Variants in KCTD1 observed in about 807,000 individuals in gnomAD.
KCTD1 encodes the protein potassium channel tetramerization domain containing 1.
Under a neutral mutation model 66.0 loss-of-function variants are expected in KCTD1, and 24 were observed. The ratio of observed to expected loss-of-function variants is 0.36; its 90% CI spans 0.26 to 0.51. The LOEUF (loss-of-function observed/expected upper bound fraction) is 0.51, where lower values mean the gene tolerates loss of function less well. Among genes scored for constraint, KCTD1 ranks in the 20% least tolerant of loss-of-function variants. The probability of loss-of-function intolerance (pLI) is 0.95; values close to 1 mark genes in which losing one functional copy is unlikely to be tolerated. For missense variants in KCTD1, 943 were observed against 1,205.2 expected (o/e 0.78, Z 3.22); for synonymous variants, 511 against 517.2 (o/e 0.99, Z 0.16).
intron 1 of KCTD1, among the ~76,000 whole-genome samples, chr18:26,653,148 AC>A (rs536843632): frequency 1.5e-3 from 225 of 152,110 alleles, no homozygotes; most frequent in African/African-American, 5.1e-3. Context: ...TTCTTTCCAA[AC>A]ACCAATCTGA....
intron 1 of KCTD1, among the ~76,000 whole-genome samples, chr18:26,608,147 A>G (rs369629633): frequency 2.6e-5 from 4 of 152,252 alleles, no homozygotes; most frequent in African/African-American, 7.2e-5. Flanking sequence ...ATAAATTTTA[A>G]AAGTTTACCT....
intron 1 of KCTD1, among the ~76,000 whole-genome samples, chr18:26,651,795 A>AG (rs1988039972): frequency 7.0e-5 from 10 of 143,258 alleles, no homozygotes; most frequent in African/African-American, 2.8e-4. Flanking sequence ...AAAAAAAAAA[A>AG]AAAAAAGAAG....
intron 1 of KCTD1, among the ~76,000 whole-genome samples, chr18:26,593,947 G>A (rs1056131331): frequency 6.6e-6 from 1 of 152,018 alleles, no homozygotes; most frequent in African/African-American, 2.4e-5. Context: ...GAAGAGAAGG[G>A]GGGGAGAAGC....
At position 26,468,698 on chromosome 18, in the gene KCTD1, CGTGGTGGCGT is replaced by C. The variant is rs889214360; in HGVS notation, c.2133+7807_2133+7816del. Among the ~76,000 whole-genome samples, 137 of 152,040 alleles carry C rather than the reference CGTGGTGGCGT, an allele frequency of 9.0e-4. No homozygotes were observed. Among genetic ancestry groups the C allele is most frequent in the African/African-American group, 3.0e-3 (123 of 41,462 alleles). On this transcript the variant is annotated intron_variant, in intron 3 of 4. Transcript: ENST00000580059. This position sits in a 1 kb window ranked among gnomAD's most constrained non-coding sequence, Gnocchi z 4.8. ...AATATAAAAATTAGTGTGCCTGTGG[CGTGGTGGCGT>C]GTGGTGGCGTGTGCCTGTAGTCCAG...
intron 1 of KCTD1, among the ~76,000 whole-genome samples, chr18:26,527,137 G>C (rs1376462059): frequency 6.6e-6 from 1 of 152,114 alleles, no homozygotes; most frequent in Non-Finnish European, 1.5e-5. Flanking sequence ...TCCAGTGCCA[G>C]GAAGGGCCAT....
At position 26,455,096 on chromosome 18, in the gene KCTD1, G is replaced by C. The variant is rs546283869; in HGVS notation, c.*647C>G. 1.3e-5 allele frequency: 2 copies of C among 152,618 alleles called. No homozygotes were observed. The highest frequency in any genetic ancestry group is 2.9e-5 in the Non-Finnish European group (2 of 68,040). The allele number at this position is 152,618 out of a possible 1,614,324, so 9.5% of individuals were successfully genotyped here. Reference sequence around the variant, plus strand: ...ATAATTCTGGCCCCTTGGCAAAACTGATCAGTTTTAAAACAAAGTAAAGTT... The same window carrying C: ...ATAATTCTGGCCCCTTGGCAAAACTCATCAGTTTTAAAACAAAGTAAAGTT... On this transcript the variant is annotated 3_prime_UTR_variant, in exon 5 of 5. Transcript: ENST00000580059.
chr18:26,508,747 CACA>C (rs1351369269), intron 1 of KCTD1, among the ~76,000 whole-genome samples: 1 of 151,272 alleles, frequency 6.6e-6, no homozygotes, highest in East Asian at 1.9e-4. Flanking sequence ...CACACACACG[CACA>C]ACATCTGTAT....
chr18:26,461,619 T>C (rs1470058741), intron 3 of KCTD1, among the ~76,000 whole-genome samples: 1 of 152,216 alleles, frequency 6.6e-6, no homozygotes, highest in African/African-American at 2.4e-5. Context: ...TGGTTCTACC[T>C]GGGATCCCCA....
At chr18:26,641,070 G>T (rs943727730), upstream of KCTD1, among the ~76,000 whole-genome samples, 3 of 152,206 alleles carry the variant, frequency 2.0e-5, no homozygotes, top group Admixed American at 6.5e-5. Context: ...TTTTAAAATC[G>T]TTTTTACCTG....
At chr18:26,520,948 T>C (rs942496301) in intron 1 of KCTD1, among the ~76,000 whole-genome samples, 30 of 152,238 alleles carry the variant, frequency 2.0e-4, no homozygotes, top group Non-Finnish European at 1.5e-5. Flanking sequence ...CTAAGCCTTC[T>C]CATGCTGTAA....
chr18:26,614,843 T>G (rs1987215101), intron 1 of KCTD1, among the ~76,000 whole-genome samples: 1 of 152,256 alleles, frequency 6.6e-6, no homozygotes, highest in Non-Finnish European at 1.5e-5. Context: ...TGTACAGAGA[T>G]ACCTTTTCTC....
At chr18:26,591,063 G>A (rs1166015095) in intron 1 of KCTD1, among the ~76,000 whole-genome samples, 1 of 152,068 alleles carries the variant, frequency 6.6e-6, no homozygotes, top group Non-Finnish European at 1.5e-5. Flanking sequence ...TTGAGTCAGG[G>A]TCTTGCTCTG....
intron 3 of KCTD1, among the ~76,000 whole-genome samples, chr18:26,464,023 C>A (rs117338826): frequency 0.021 from 3,140 of 152,270 alleles, 47 homozygotes; most frequent in Middle Eastern, 0.075. Context: ...TTCTTGATTA[C>A]ATAATTGGAA....
chr18:26,477,698 G>C (rs1348562292), intron 2 of KCTD1, among the ~76,000 whole-genome samples: 1 of 152,100 alleles, frequency 6.6e-6, no homozygotes, highest in Non-Finnish European at 1.5e-5. Flanking sequence ...AAACAAACAA[G>C]TAGGAAAGCT....
intron 1 of KCTD1, among the ~76,000 whole-genome samples, chr18:26,583,467 T>C (rs12185428): frequency 0.28 from 42,019 of 147,844 alleles, 6,917 homozygotes; most frequent in East Asian, 0.52. Flanking sequence ...TATTCAGAGA[T>C]GTGGGTAATA....
At chr18:26,545,291 C>T (rs1985157260) in intron 1 of KCTD1, 1 of 152,174 alleles carries the variant, frequency 6.6e-6, no homozygotes, top group Non-Finnish European at 1.5e-5. Flanking sequence ...TTTATTTTTG[C>T]TTTCAAAGAA....
In KCTD1 at chr18:26,547,553, C is replaced by T; in HGVS notation, c.984G>A (p.Glu328=). 6.4e-7 allele frequency: 1 copy of T among 1,551,674 alleles called. No individual in the cohort carries two copies. Among genetic ancestry groups the T allele is most frequent in the Non-Finnish European group, 8.7e-7 (1 of 1,146,982 alleles). Residue 328 remains glutamate, a synonymous_variant, in exon 1 of 5, where the codon GAG becomes GAA. Transcript: ENST00000580059. ...CCAGCCCAAAAGAGTCCTCCTCCAA[C>T]TCACGCTGGTTCTCGCGGCCGCGGG... ...FCTRGRENQR[E]LEEDSFGLAM...
chr18:26,654,062 C>T (rs752582655), intron 1 of KCTD1, among the ~76,000 whole-genome samples: 18 of 152,188 alleles, frequency 1.2e-4, no homozygotes, highest in Non-Finnish European at 2.5e-4. Context: ...AAGACCTTAG[C>T]TAAAAACATC....
intron 3 of KCTD1, among the ~76,000 whole-genome samples, 168 bp from the exon 4 acceptor site, chr18:26,460,093 A>ATTC (rs1156851250): frequency 5.3e-5 from 8 of 152,140 alleles, no homozygotes; most frequent in Non-Finnish European, 1.2e-4. Flanking sequence ...GCATTCATTC[A>ATTC]TTCATTCATT....
Sources: gnomAD v4.1 joint callset for allele counts (sites outside exome capture counted in the v4.1 genomes callset) on GRCh38, gnomAD v4.1.1 for gene constraint, Gnocchi (gnomAD v3.1) non-coding constraint, MANE v1.5 for transcripts, NCBI Gene and HGNC (gene_info 2026-07-23, HGNC 2026-07-21) for gene names.